ANKUB1: variants seen among roughly 807,000 people sequenced by gnomAD.
The protein encoded by ANKUB1 is ankyrin repeat and ubiquitin domain containing 1.
In ANKUB1, 42 loss-of-function variants were observed where a neutral mutation model predicts 49.3. The ratio of observed to expected loss-of-function variants is 0.85; its 90% CI spans 0.67 to 1.10. ANKUB1 has a LOEUF of 1.10. ANKUB1 is among the 50% of genes least tolerant of loss of function. The probability of loss-of-function intolerance (pLI) is 0.00; values close to 1 mark genes in which losing one functional copy is unlikely to be tolerated. For missense variants in ANKUB1, 613 were observed against 642.0 expected, an observed-to-expected ratio of 0.95 and a Z score of 0.49; for synonymous variants, 222 against 231.0, an observed-to-expected ratio of 0.96 and a Z score of 0.35.
chr3:149,769,689 T>A (rs1002416431), intron 4 of ANKUB1, among the ~76,000 whole-genome samples: 1 of 152,232 alleles, frequency 6.6e-6, no homozygotes, highest in African/African-American at 2.4e-5. Context: ...ATTTATTGAA[T>A]GCTGTACTGA....
chr3:149,777,465 G>T (rs1458751384), intron 3 of ANKUB1, among the ~76,000 whole-genome samples: 1 of 146,846 alleles, frequency 6.8e-6, no homozygotes, highest in Non-Finnish European at 1.5e-5. Flanking sequence ...GCAAGACTGT[G>T]ACTCAAAAAC....
intron 1 of ANKUB1, 66 bp downstream of exon 1, chr3:149,792,211 A>C: frequency 8.4e-7 from 1 of 1,190,576 alleles, no homozygotes; most frequent in South Asian, 2.0e-5. Context: ...CCCTTTGTAC[A>C]TTTTTAAATG....
In ANKUB1 at chr3:149,767,397, T is replaced by A; in HGVS notation, c.1265A>T (p.His422Leu). The change falls in exon 5 of 6, where the codon CAT becomes CTT. Residue 422 changes from histidine (H) to leucine (L), a missense_variant. Transcript: ENST00000446160. ...NASSFSELQKHQQQNQKKITA... is the reference protein window; with the variant it reads ...NASSFSELQKLQQQNQKKITA... ...AATTTTTTTCTGATTTTGTTGTTGA[T>A]GTTTTTGTAATTCAGAGAATGAACT... 6.4e-7 allele frequency: 1 copy of A among 1,551,698 alleles called. No homozygotes were observed. Among genetic ancestry groups the A allele is most frequent in the South Asian group, 1.2e-5 (1 of 84,034 alleles).
At chr3:149,770,027 A>C (rs1038067237) in intron 4 of ANKUB1, among the ~76,000 whole-genome samples, 2 of 150,918 alleles carry the variant, frequency 1.3e-5, no homozygotes, top group Non-Finnish European at 2.9e-5. Flanking sequence ...GCCTTATTCA[A>C]CCTGAAGATT....
rs2108259542 is a variant in ANKUB1 at position 149,762,496 on chromosome 3, C to A, written c.1506-883G>T. ...CAGTGACCAAATTTTGTGGATTATTCCCCAGAAATATCTCTTGTATTTGGC... is the reference window on the plus strand; with the variant it reads ...CAGTGACCAAATTTTGTGGATTATTACCCAGAAATATCTCTTGTATTTGGC... On this transcript the variant is annotated intron_variant, in intron 5 of 5. Transcript: ENST00000446160. Among the ~76,000 whole-genome samples, 3 of 152,270 alleles carry A rather than the reference C, an allele frequency of 2.0e-5. No individual in the cohort carries two copies. The Middle Eastern group carries it at 0.01, about 518-fold the overall frequency.
At chr3:149,777,755 C>T (rs183308167) in intron 3 of ANKUB1, among the ~76,000 whole-genome samples, 1 of 152,282 alleles carries the variant, frequency 6.6e-6, no homozygotes, top group Non-Finnish European at 1.5e-5. Flanking sequence ...TCCAGAATGC[C>T]TTCCCTACAT....
At chr3:149,782,959 T>C (rs1375314499) in intron 2 of ANKUB1, 1 of 152,212 alleles carries the variant, frequency 6.6e-6, no homozygotes, top group Non-Finnish European at 1.5e-5. Context: ...TTCATTTTTT[T>C]TTTAAGCGCT....
At chr3:149,778,286 T>C (rs995009363) in intron 3 of ANKUB1, 5 of 152,236 alleles carry the variant, frequency 3.3e-5, no homozygotes, top group Non-Finnish European at 7.3e-5. Context: ...CTTAACCTTA[T>C]ATCTGAACAC....
intron 5 of ANKUB1, among the ~76,000 whole-genome samples, chr3:149,764,745 CCTCT>C (rs1418722471): frequency 3.4e-5 from 5 of 148,428 alleles, no homozygotes; most frequent in Non-Finnish European, 7.4e-5. Context: ...TTCCTTCTTT[CCTCT>C]CTCTCTTTCC....
chr3:149,784,186 G>C (rs1294757079), intron 2 of ANKUB1, among the ~76,000 whole-genome samples: 1 of 152,116 alleles, frequency 6.6e-6, no homozygotes, highest in Non-Finnish European at 1.5e-5. Flanking sequence ...CAACATTCCA[G>C]GGATGTCAGG....
chr3:149,791,786 T>C (rs1203854845), intron 1 of ANKUB1, among the ~76,000 whole-genome samples: 1 of 152,228 alleles, frequency 6.6e-6, no homozygotes, highest in Non-Finnish European at 1.5e-5. Flanking sequence ...GGTAAGATAG[T>C]CAACCTCTCA....
chr3:149,792,182 G>A (rs1718386692), intron 1 of ANKUB1, 95 bp downstream of exon 1: 8 of 764,268 alleles, frequency 1.0e-5, no homozygotes, highest in Admixed American at 8.5e-5. Flanking sequence ...TGCTGAAAAT[G>A]TACCCAATAG....
Position 149,761,565 on chromosome 3 carries a change from G to A in ANKUB1, c.1554C>T (p.Val518=). The change falls in exon 6 of 6, where the codon GTC becomes GTT. Residue 518 remains valine, a synonymous_variant. Coordinates refer to ENST00000446160, the MANE Select transcript of ANKUB1 (RefSeq NM_001144960.3). ...RWLQQLEIAR[V]LAKKSISNLT... is the part of the protein sequence containing the mutation. The stretch of plus-strand genomic sequence containing the variant: ...AGTTAGAAATGCTCTTTTTGGCCAG[G>A]ACTCTTGCTATTTCTAACTGCTGAA... The A allele has an allele frequency of 1.3e-6, 2 of 1,551,280 alleles. No homozygotes were observed. Among genetic ancestry groups the A allele is most frequent in the Non-Finnish European group, 1.7e-6 (2 of 1,146,780 alleles).
intron 4 of ANKUB1, among the ~76,000 whole-genome samples, chr3:149,769,450 A>G (rs751366246): frequency 6.6e-6 from 1 of 152,356 alleles, no homozygotes; most frequent in African/African-American, 2.4e-5. Context: ...TTCTTAAAGA[A>G]TAACTGAATG....
rs1044353589 is a variant in ANKUB1 at position 149,792,309 on chromosome 3, C to T, written c.58G>A (p.Glu20Lys). Residue 20 changes from glutamate to lysine, a missense_variant, in exon 1 of 6, where the codon GAA becomes AAA. Physicochemically the swap from Glu to Lys is moderately conservative, Grantham distance 56 (BLOSUM62 1). Coordinates refer to ENST00000446160, the MANE Select transcript of ANKUB1 (RefSeq NM_001144960.3). ...SFEPFDVSADETVEVVKLMIK... is the reference protein window; with the variant it reads ...SFEPFDVSADKTVEVVKLMIK... ...ATCAGCTTGACAACCTCCACAGTTT[C>T]ATCTGCTGAAACATCAAACGGTTCA... The T allele has an allele frequency of 3.9e-6, 6 of 1,532,800 alleles. No homozygotes were observed. Among genetic ancestry groups the T allele is most frequent in the Non-Finnish European group, 5.3e-6 (6 of 1,136,892 alleles). The allele number at this position is 1,532,800 out of a possible 1,614,324, so 94.9% of individuals were successfully genotyped here.
At chr3:149,784,958 T>C (rs1718028162) in intron 2 of ANKUB1, among the ~76,000 whole-genome samples, 1 of 152,220 alleles carries the variant, frequency 6.6e-6, no homozygotes. Flanking sequence ...AGTACTATTC[T>C]AAGCACTGGG....
At chr3:149,768,554 C>G (rs573040635) in intron 4 of ANKUB1, among the ~76,000 whole-genome samples, 2 of 150,960 alleles carry the variant, frequency 1.3e-5, no homozygotes, top group East Asian at 1.9e-4. Context: ...CTCCATCCCC[C>G]CTCCCCAGAC....
chr3:149,765,409 C>T (rs568015342), intron 5 of ANKUB1, among the ~76,000 whole-genome samples: 1 of 152,034 alleles, frequency 6.6e-6, no homozygotes, highest in Non-Finnish European at 1.5e-5. Flanking sequence ...CATAAAAATT[C>T]AACAAGCCAT....
Position 149,767,188 on chromosome 3 carries a change from C to T in ANKUB1, c.1474G>A (p.Glu492Lys), listed in dbSNP as rs943825218. ...FLEHSGKTPW[E>K]NAIYCLAVAS... ...ACAGCTAAGCAGTAGATTGCGTTCT[C>T]CCATGGAGTCTTCCCACTGTGCTCT... The change falls in exon 5 of 6, where the codon GAG becomes AAG. Residue 492 changes from glutamate to lysine, a missense_variant. Glu to Lys is a moderately conservative substitution (Grantham distance 56). Transcript: ENST00000446160. 63 of 1,543,392 alleles carry T rather than the reference C, an allele frequency of 4.1e-5. No homozygotes were observed. The highest frequency in any genetic ancestry group is 5.5e-5 in the Non-Finnish European group (63 of 1,144,288).
Sources: allele counts gnomAD v4.1 joint callset (sites outside exome capture counted in the v4.1 genomes callset), GRCh38; gene constraint gnomAD v4.1.1; transcripts MANE v1.5; gene names NCBI Gene and HGNC (gene_info 2026-07-23, HGNC 2026-07-21).